CELSR1: variants seen among roughly 807,000 people sequenced by gnomAD.
CELSR1 encodes adhesion G protein-coupled receptor C1.
CELSR1 carries 110 observed loss-of-function variants against 249.1 expected under a neutral mutation model. That is an observed-to-expected ratio of 0.44 (90% CI 0.38 to 0.52). The LOEUF (loss-of-function observed/expected upper bound fraction) is 0.52, where lower values mean the gene tolerates loss of function less well. Ranked by LOEUF, CELSR1 falls within the 20% of genes least tolerant of loss-of-function variation. The pLI is 0.00. For missense variants in CELSR1, 4,109 were observed against 4,296.4 expected, an observed-to-expected ratio of 0.96 and a Z score of 1.22; for synonymous variants, 2,113 against 1,900.0, an observed-to-expected ratio of 1.11 and a Z score of -2.92.
In CELSR1 at chr22:46,440,468, G is replaced by A. The variant is rs2079732274; in HGVS notation, c.4184-1057C>T. 6.6e-6 allele frequency among the ~76,000 whole-genome samples: 1 copy of A among 152,156 alleles called. No homozygotes were observed. Among genetic ancestry groups the A allele is most frequent in the African/African-American group, 2.4e-5 (1 of 41,432 alleles). ...CCTGCCTTGGCCTCCCAAAGTGCTG[G>A]GATTACAGGCGTGAGCCACCGCGCC... On this transcript the variant is annotated intron_variant, in intron 2 of 34. Transcript: ENST00000674500. This position sits in a 1 kb window ranked among gnomAD's most constrained non-coding sequence, Gnocchi z 4.7.
intron 18 of CELSR1, among the ~76,000 whole-genome samples, chr22:46,387,316 A>G (rs901309078): frequency 6.6e-5 from 10 of 152,252 alleles, no homozygotes; most frequent in African/African-American, 9.6e-5. Flanking sequence ...GTCTAAGTTT[A>G]TAAATAGGAT....
At chr22:46,449,756 T>TGGAGG (rs927067326) in intron 2 of CELSR1, among the ~76,000 whole-genome samples, 8 of 149,464 alleles carry the variant, frequency 5.4e-5, no homozygotes, top group Non-Finnish European at 1.2e-4. Flanking sequence ...GGCATGGAGG[T>TGGAGG]GGAGGGGAGG....
At chr22:46,431,589 A>G (rs1373470000) in intron 5 of CELSR1, among the ~76,000 whole-genome samples, 2 of 152,192 alleles carry the variant, frequency 1.3e-5, no homozygotes, top group African/African-American at 4.8e-5. Flanking sequence ...CCCAGGGGGC[A>G]TTGAGCTCTG....
intron 1 of CELSR1, among the ~76,000 whole-genome samples, chr22:46,486,745 C>T (rs2080316702): frequency 6.7e-6 from 1 of 150,028 alleles, no homozygotes; most frequent in Admixed American, 6.7e-5. Context: ...CGGGAGGCTG[C>T]AGCAGGATAA....
rs1214684748 is a variant in CELSR1 at position 46,423,978 on chromosome 22, G to GA, written c.4611+9414dup. ...GAGACTGCATCTCAAAACAAACAAA[G>GA]AAAAAAAACACAAGTTTGTTGTTTT... On this transcript the variant is annotated intron_variant, in intron 5 of 34. Transcript: ENST00000674500. This position sits in a 1 kb window ranked among gnomAD's most constrained non-coding sequence, Gnocchi z 5.6. Among the ~76,000 whole-genome samples, 3 of 151,484 alleles carry GA rather than the reference G, an allele frequency of 2.0e-5. No homozygotes were observed. Among genetic ancestry groups the GA allele is most frequent in the Non-Finnish European group, 4.4e-5 (3 of 67,832 alleles).
At chr22:46,485,500 C>A (rs1420368832) in intron 1 of CELSR1, among the ~76,000 whole-genome samples, 1 of 152,204 alleles carries the variant, frequency 6.6e-6, no homozygotes, top group Non-Finnish European at 1.5e-5. Flanking sequence ...AGGCTGCATG[C>A]GGGGCCGCCA....
chr22:46,509,770 C>G (rs372116933), intron 1 of CELSR1, among the ~76,000 whole-genome samples: 71 of 152,018 alleles, frequency 4.7e-4, no homozygotes, highest in African/African-American at 1.6e-3. Flanking sequence ...AGGGGTTTCA[C>G]GAGGGGATGG....
intron 1 of CELSR1, 91 bp downstream of exon 1, chr22:46,533,536 C>T: frequency 6.7e-7 from 1 of 1,488,100 alleles, no homozygotes; most frequent in Non-Finnish European, 8.9e-7. Flanking sequence ...CCAATTGCGC[C>T]CCGGCATGCC....
rs1365984782 is a variant in CELSR1 at position 46,427,634 on chromosome 22, A to G, written c.4611+5759T>C. 1.3e-5 allele frequency among the ~76,000 whole-genome samples: 2 copies of G among 152,176 alleles called. No individual in the cohort carries two copies. The highest frequency in any genetic ancestry group is 3.9e-4 in the East Asian group (2 of 5,188). On this transcript the variant is annotated intron_variant, in intron 5 of 34. Coordinates refer to ENST00000674500, the MANE Select transcript of CELSR1 (RefSeq NM_001378328.1). This position sits in a 1 kb window ranked among gnomAD's most constrained non-coding sequence, Gnocchi z 4.2. ...TCATCACCGCACAGAACCCCACCGC[A>G]CTGTTGGCAATGGTTGTTGACGTTC...
At position 46,410,089 on chromosome 22, in the gene CELSR1, G is replaced by T. The variant is rs2079315271; in HGVS notation, c.4934-209C>A. Among the ~76,000 whole-genome samples the T allele has an allele frequency of 6.6e-6, 1 of 152,210 alleles. No individual in the cohort carries two copies. The highest frequency in any genetic ancestry group is 6.5e-5 in the Admixed American group (1 of 15,292). ...ACATTTGGAGACGCTGGGACGCCAG[G>T]CCATCACGGCAGCCGGCCCGGTCAC... On this transcript the variant is annotated intron_variant, in intron 7 of 34. Transcript: ENST00000674500. The surrounding 1 kb of genome is among the most constrained non-coding windows in gnomAD (Gnocchi z 6.8).
Position 46,378,786 on chromosome 22 carries a change from C to T in CELSR1, c.7257-69G>A, listed in dbSNP as rs913883886. On this transcript the variant is annotated intron_variant, in intron 22 of 34. Transcript: ENST00000674500. ...CTGCCCATGAGTCTGTAAAGGGCAG[C>T]CTTTGCCCAGCCCTGGGGGCTCCCA... The T allele has an allele frequency of 4.5e-6, 7 of 1,550,876 alleles. No homozygotes were observed. The African/African-American group carries it at 8.1e-5, about 18-fold the overall frequency.
rs527856501 is a variant in CELSR1 at position 46,488,401 on chromosome 22, G to A, written c.3545-24056C>T. On this transcript the variant is annotated intron_variant, in intron 1 of 34. Transcript: ENST00000674500. The surrounding 1 kb of genome is among the most constrained non-coding windows in gnomAD (Gnocchi z 4.7). ...GCAGCTTCCCTGCTCGCCTACAGCC[G>A]GCGAGTGCAGCACAGGAGGCCACCG... Among the ~76,000 whole-genome samples, 5 of 152,154 alleles carry A rather than the reference G, an allele frequency of 3.3e-5. No individual in the cohort carries two copies. Among genetic ancestry groups the A allele is most frequent in the South Asian group, 2.1e-4 (1 of 4,836 alleles).
Position 46,419,945 on chromosome 22 carries a change from GCA to G in CELSR1, c.4612-8188_4612-8187del, listed in dbSNP as rs528690723. On this transcript the variant is annotated intron_variant, in intron 5 of 34. Transcript: ENST00000674500. ...CACACGTACACTTACCCAAACTCAT[GCA>G]CACTCACCCACGCACACGTGCACTC... Among the ~76,000 whole-genome samples the G allele has an allele frequency of 2.5e-3, 384 of 151,142 alleles. 1 individual carries two copies. The highest frequency in any genetic ancestry group is 4.3e-3 in the Non-Finnish European group (291 of 67,856).
intron 25 of CELSR1, among the ~76,000 whole-genome samples, chr22:46,372,359 CCCAT>C (rs776134852): frequency 8.9e-5 from 13 of 146,550 alleles, no homozygotes; most frequent in Non-Finnish European, 2.0e-4. Context: ...TCGCTCCCCA[CCCAT>C]CCATCCATCC....
In CELSR1 at chr22:46,427,150, G is replaced by A. The variant is rs1422702874; in HGVS notation, c.4611+6243C>T. ...ACACAGACGTCTATGTCCTAGCTCT[G>A]CCCAGTAAGAGAGACTGGGAGTGAG... On this transcript the variant is annotated intron_variant, in intron 5 of 34. Transcript: ENST00000674500. The surrounding 1 kb of genome is among the most constrained non-coding windows in gnomAD (Gnocchi z 4.2). 6.6e-6 allele frequency among the ~76,000 whole-genome samples: 1 copy of A among 152,144 alleles called. No individual in the cohort carries two copies. Among genetic ancestry groups the A allele is most frequent in the Non-Finnish European group, 1.5e-5 (1 of 68,018 alleles).
rs890301624 is a variant in CELSR1, at chr22:46,393,606, T to G, written c.5964+536A>C. On this transcript the variant is annotated intron_variant, in intron 14 of 34. Transcript: ENST00000674500. This position sits in a 1 kb window ranked among gnomAD's most constrained non-coding sequence, Gnocchi z 4.1. ...TACAAAAATTAGCTGGGCATGGTGG[T>G]GGGCGCCTATAATCCCAGCTACTCA... is the stretch of plus-strand genomic sequence containing the variant. Among the ~76,000 whole-genome samples, 1 of 151,790 alleles carries G rather than the reference T, an allele frequency of 6.6e-6. No individual in the cohort carries two copies.
intron 9 of CELSR1, among the ~76,000 whole-genome samples, chr22:46,403,002 G>A (rs572576363): frequency 1.3e-5 from 2 of 152,266 alleles, no homozygotes; most frequent in South Asian, 4.1e-4. Context: ...GTATAGCTAT[G>A]TTAATATGAG....
rs540883374 is a variant in CELSR1 at position 46,381,332 on chromosome 22, G to A, written c.7089-377C>T. Among the ~76,000 whole-genome samples the A allele has an allele frequency of 6.6e-6, 1 of 152,212 alleles. No individual in the cohort carries two copies. The highest frequency in any genetic ancestry group is 2.4e-5 in the African/African-American group (1 of 41,470). On this transcript the variant is annotated intron_variant, in intron 21 of 34. Coordinates refer to ENST00000674500, the MANE Select transcript of CELSR1 (RefSeq NM_001378328.1). This position sits in a 1 kb window ranked among gnomAD's most constrained non-coding sequence, Gnocchi z 6.0. ...TGGGGATGAATCACCCAGTCACTGA[G>A]AACCACGTGAACACGAGGATCCCAG...
Position 46,472,113 on chromosome 22 carries a change from G to A in CELSR1, c.3545-7768C>T, listed in dbSNP as rs1454445869. ...ATCAAGTGCCATCCCCTGCTTTCCCGGGAAGGGTGAGTCACCTCATTGTGG... is the reference window on the plus strand; with the variant it reads ...ATCAAGTGCCATCCCCTGCTTTCCCAGGAAGGGTGAGTCACCTCATTGTGG... On this transcript the variant is annotated intron_variant, in intron 1 of 34. Coordinates refer to ENST00000674500, the MANE Select transcript of CELSR1 (RefSeq NM_001378328.1). The surrounding 1 kb of genome is among the most constrained non-coding windows in gnomAD (Gnocchi z 7.0). Among the ~76,000 whole-genome samples the A allele has an allele frequency of 1.3e-5, 2 of 152,152 alleles. No homozygotes were observed. Among genetic ancestry groups the A allele is most frequent in the South Asian group, 2.1e-4 (1 of 4,830 alleles).
Sources: allele counts gnomAD v4.1 joint callset (sites outside exome capture counted in the v4.1 genomes callset), GRCh38; gene constraint gnomAD v4.1.1; non-coding constraint Gnocchi (gnomAD v3.1); transcripts MANE v1.5; gene names NCBI Gene and HGNC (gene_info 2026-07-23, HGNC 2026-07-21).